Variants in DRD2 observed in about 807,000 individuals in gnomAD.
DRD2 encodes D(2) dopamine receptor.
In DRD2, 8 loss-of-function variants were observed where a neutral mutation model predicts 38.0. The observed-to-expected ratio is 0.21, with a 90% CI of 0.12 to 0.38. The LOEUF (loss-of-function observed/expected upper bound fraction) is 0.38. Among genes scored for constraint, DRD2 ranks in the 10% least tolerant of loss-of-function variants. The probability of loss-of-function intolerance (pLI) is 1.00; values close to 1 mark genes in which losing one functional copy is unlikely to be tolerated. For missense variants in DRD2, 403 were observed against 607.7 expected (o/e 0.66, Z 3.54); for synonymous variants, 230 against 238.6 (o/e 0.96, Z 0.33).
At chr11:113,435,165 G>T (rs372453410) in intron 1 of DRD2, among the ~76,000 whole-genome samples, 34 of 152,324 alleles carry the variant, frequency 2.2e-4, no homozygotes, top group South Asian at 4.1e-4. Flanking sequence ...GGCCTCCAGG[G>T]TCTGCAGCGG....
At position 113,431,656 on chromosome 11, in the gene DRD2, C is replaced by G. The variant is rs1950989143; in HGVS notation, c.-31-6974G>C. ...ACTCCAGCCTTCTATAATAGTGGCTCTCTTCAGAAGCTTCAGAGTGGAACT... is the reference window on the plus strand; with the variant it reads ...ACTCCAGCCTTCTATAATAGTGGCTGTCTTCAGAAGCTTCAGAGTGGAACT... On this transcript the variant is annotated intron_variant, in intron 1 of 7. Coordinates refer to ENST00000362072, the MANE Select transcript of DRD2 (RefSeq NM_000795.4). Among the ~76,000 whole-genome samples the G allele has an allele frequency of 2.0e-5, 3 of 152,332 alleles. No homozygotes were observed. In the South Asian group the frequency reaches 6.2e-4, roughly 32 times the overall value.
intron 2 of DRD2, among the ~76,000 whole-genome samples, chr11:113,421,633 C>T (rs369218039): frequency 8.6e-4 from 131 of 152,188 alleles, no homozygotes; most frequent in African/African-American, 2.6e-3. Context: ...AGATAAATAA[C>T]GCACACTTAG....
chr11:113,452,060 G>A (rs893930998), intron 1 of DRD2, among the ~76,000 whole-genome samples: 2 of 152,048 alleles, frequency 1.3e-5, no homozygotes, highest in Admixed American at 6.5e-5. Context: ...CAGCCCAAGA[G>A]GCCTGCAGGA....
At chr11:113,458,519 T>C (rs1327582343) in intron 1 of DRD2, among the ~76,000 whole-genome samples, 1 of 152,230 alleles carries the variant, frequency 6.6e-6, no homozygotes, top group African/African-American at 2.4e-5. Flanking sequence ...TTCCTTCAAA[T>C]GCATCAGCTA....
Position 113,412,849 on chromosome 11 carries a change from T to A in DRD2, c.845A>T (p.Glu282Val). The A allele has an allele frequency of 6.2e-7, 1 of 1,612,784 alleles. No homozygotes were observed. Among genetic ancestry groups the A allele is most frequent in the Non-Finnish European group, 8.5e-7 (1 of 1,179,846 alleles). ...AARRAQELEM[E>V]MLSSTSPPER... ...GGGTGGGCTGGTGCTGGAGAGCATCTCCATCTCCAGCTCCTGGGCTCGCCG... is the reference window on the plus strand; with the variant it reads ...GGGTGGGCTGGTGCTGGAGAGCATCACCATCTCCAGCTCCTGGGCTCGCCG... Residue 282 changes from glutamate (E) to valine (V), a missense_variant, in exon 7 of 8, where the codon GAG (glutamate) becomes GTG (valine). This residue lies in a region of DRD2 where 166 missense variants were observed against 178.6 expected (regional missense o/e 0.93). Coordinates refer to ENST00000362072, the MANE Select transcript of DRD2 (RefSeq NM_000795.4).
chr11:113,443,247 T>C (rs1951110181), intron 1 of DRD2, among the ~76,000 whole-genome samples: 1 of 152,200 alleles, frequency 6.6e-6, no homozygotes, highest in Non-Finnish European at 1.5e-5. Flanking sequence ...CCTTCTGTGA[T>C]CTATTTTTGG....
chr11:113,430,800 A>G (rs1950978823), intron 1 of DRD2, among the ~76,000 whole-genome samples: 1 of 151,944 alleles, frequency 6.6e-6, no homozygotes, highest in African/African-American at 2.4e-5. Flanking sequence ...TTCTTTGTCC[A>G]CTCTGGAGCT....
At chr11:113,434,943 G>A (rs1229069327) in intron 1 of DRD2, among the ~76,000 whole-genome samples, 1 of 152,184 alleles carries the variant, frequency 6.6e-6, no homozygotes, top group Non-Finnish European at 1.5e-5. Flanking sequence ...GGGCCCCTGT[G>A]TGAGACTTTG....
chr11:113,416,678 A>G (rs1950830569), intron 4 of DRD2, among the ~76,000 whole-genome samples, 185 bp downstream of exon 4: 1 of 152,162 alleles, frequency 6.6e-6, no homozygotes, highest in Admixed American at 6.5e-5. Context: ...CTCTCTGCCA[A>G]CCTAGAACAA....
At chr11:113,429,401 T>C (rs983467315) in intron 1 of DRD2, among the ~76,000 whole-genome samples, 2 of 152,150 alleles carry the variant, frequency 1.3e-5, no homozygotes, top group African/African-American at 4.8e-5. Flanking sequence ...CCCGCCACCA[T>C]GTCCAGCTAA....
Position 113,412,886 on chromosome 11 carries a change from G to A in DRD2, c.811-3C>T. 2 of 1,609,962 alleles carry A rather than the reference G, an allele frequency of 1.2e-6. No individual in the cohort carries two copies. The highest frequency in any genetic ancestry group is 1.7e-6 in the Non-Finnish European group (2 of 1,179,574). On this transcript the variant is annotated splice_polypyrimidine_tract_variant and splice_region_variant and intron_variant, in intron 6 of 7. Coordinates refer to ENST00000362072, the MANE Select transcript of DRD2 (RefSeq NM_000795.4). ...TCCTGGGCTCGCCGGGCAGCCTCCT[G>A]CACCAGAGGCAGAGGGCTCTGGGTA...
At chr11:113,454,836 A>G (rs993472008) in intron 1 of DRD2, among the ~76,000 whole-genome samples, 6 of 152,224 alleles carry the variant, frequency 3.9e-5, no homozygotes, top group Non-Finnish European at 8.8e-5. Flanking sequence ...CCATGCATCT[A>G]TAGTCAATCA....
intron 1 of DRD2, among the ~76,000 whole-genome samples, chr11:113,454,031 G>A (rs775349543): frequency 6.6e-6 from 1 of 152,122 alleles, no homozygotes; most frequent in Non-Finnish European, 1.5e-5. Context: ...TTTTATATAT[G>A]GACAGTGGTG....
intron 1 of DRD2, among the ~76,000 whole-genome samples, chr11:113,436,889 G>A (rs1423804299): frequency 1.3e-5 from 2 of 152,146 alleles, no homozygotes; most frequent in African/African-American, 4.8e-5. Context: ...TTTTCTGCCA[G>A]TCTGGCTGCC....
Position 113,475,298 on chromosome 11 carries a change from C to T in DRD2, c.-254G>A, listed in dbSNP as rs1032546585. 1 of 147,472 alleles carries T rather than the reference C, an allele frequency of 6.8e-6. No individual in the cohort carries two copies. Among genetic ancestry groups the T allele is most frequent in the Non-Finnish European group, 1.5e-5 (1 of 66,014 alleles). The allele number at this position is 147,472 out of a possible 1,614,324, so 9.1% of individuals were successfully genotyped here. A position where few individuals can be genotyped will look rare whatever the true frequency, so the allele number is the denominator to read the frequency against. ...GAGCAGTGGACGGGCCGCGGCGGGG[C>T]GGGGCGGGGCGGGGCCGGGCGCGGG... On this transcript the variant is annotated 5_prime_UTR_variant, in exon 1 of 8. Coordinates refer to ENST00000362072, the MANE Select transcript of DRD2 (RefSeq NM_000795.4).
chr11:113,454,001 C>G lies in DRD2; in HGVS notation c.-32+21075G>C, dbSNP rs1053011228. 3.3e-5 allele frequency among the ~76,000 whole-genome samples: 5 copies of G among 152,250 alleles called. No homozygotes were observed. The East Asian group carries it at 9.7e-4, about 29-fold the overall frequency. ...AGTATTAACAGAGAACCTGGCACATCCCAAATACTGGGAAAGACATTTTAT... is the reference window on the plus strand; with the variant it reads ...AGTATTAACAGAGAACCTGGCACATGCCAAATACTGGGAAAGACATTTTAT... On this transcript the variant is annotated intron_variant, in intron 1 of 7. Coordinates refer to ENST00000362072, the MANE Select transcript of DRD2 (RefSeq NM_000795.4).
intron 1 of DRD2, among the ~76,000 whole-genome samples, chr11:113,451,611 C>T (rs1951210379): frequency 6.6e-6 from 1 of 152,164 alleles, no homozygotes; most frequent in South Asian, 2.1e-4. Flanking sequence ...CTGCCTCAGC[C>T]TCCCAAGTAA....
intron 1 of DRD2, among the ~76,000 whole-genome samples, chr11:113,452,084 T>G (rs1951214882): frequency 6.6e-6 from 1 of 152,058 alleles, no homozygotes; most frequent in Non-Finnish European, 1.5e-5. Context: ...CCTGCACGCT[T>G]CTTCTTTTAA....
At chr11:113,460,347 G>T (rs918922756) in intron 1 of DRD2, among the ~76,000 whole-genome samples, 2 of 152,238 alleles carry the variant, frequency 1.3e-5, no homozygotes, top group African/African-American at 4.8e-5. Flanking sequence ...GAGGGAGGAC[G>T]TGGGGATACT....
Sources: gnomAD v4.1 joint callset for allele counts (sites outside exome capture counted in the v4.1 genomes callset) on GRCh38, gnomAD v4.1.1 for gene constraint, gnomAD v4.1.1 regional missense constraint, MANE v1.5 for transcripts, NCBI Gene and HGNC (gene_info 2026-07-23, HGNC 2026-07-21) for gene names.